Variants in FBXW7 observed in about 807,000 individuals in gnomAD.
The protein encoded by FBXW7 is F-box and WD repeat domain containing 7, also known as F-box/WD repeat-containing protein 7.
FBXW7 carries 11 observed loss-of-function variants against 86.3 expected under a neutral mutation model. The observed-to-expected ratio is 0.13, with a 90% CI of 0.08 to 0.21. The LOEUF (loss-of-function observed/expected upper bound fraction) is 0.21. FBXW7 is among the 10% of genes least tolerant of loss of function. The pLI is 1.00. For missense variants in FBXW7, 488 were observed against 847.4 expected (o/e 0.58, Z 5.27); for synonymous variants, 313 against 297.9 (o/e 1.05, Z -0.52).
intron 4 of FBXW7, chr4:152,411,095 C>T (rs1481069885): frequency 2.3e-6 from 2 of 864,860 alleles, no homozygotes; most frequent in Non-Finnish European, 1.6e-6. Flanking sequence ...AATTACTTTC[C>T]CTCCATTTGT....
chr4:152,360,068 G>A (rs1732787698), intron 4 of FBXW7, among the ~76,000 whole-genome samples: 1 of 152,054 alleles, frequency 6.6e-6, no homozygotes, highest in Non-Finnish European at 1.5e-5. Context: ...GTTCATTAGG[G>A]GATAACCCAT....
chr4:152,396,600 T>C (rs577088078), intron 4 of FBXW7, among the ~76,000 whole-genome samples: 1 of 152,206 alleles, frequency 6.6e-6, no homozygotes, highest in South Asian at 2.1e-4. Context: ...CATGTGTTTT[T>C]CAACATATCC....
At chr4:152,427,350 G>A (rs78366105) in intron 2 of FBXW7, among the ~76,000 whole-genome samples, 2,086 of 152,246 alleles carry the variant, frequency 0.014, 26 homozygotes, top group Middle Eastern at 0.037. Context: ...ATCAATGGCC[G>A]TGCATTGAGT....
intron 4 of FBXW7, among the ~76,000 whole-genome samples, chr4:152,407,015 C>T (rs1737480165): frequency 6.6e-6 from 1 of 152,174 alleles, no homozygotes; most frequent in Non-Finnish European, 1.5e-5. Flanking sequence ...CACTATGCTA[C>T]TTGTTTTACA....
chr4:152,354,182 C>T (rs563405443), intron 4 of FBXW7, among the ~76,000 whole-genome samples: 1 of 152,054 alleles, frequency 6.6e-6, no homozygotes, highest in East Asian at 1.9e-4. Context: ...TGAAGATGTA[C>T]ATCTTGAGTC....
chr4:152,422,923 T>C (rs1739070271), intron 2 of FBXW7, among the ~76,000 whole-genome samples: 3 of 152,228 alleles, frequency 2.0e-5, no homozygotes, highest in Admixed American at 1.3e-4. Context: ...TACAGGTTTA[T>C]TTTCCATTCT....
At chr4:152,397,839 A>T (rs886343824) in intron 4 of FBXW7, among the ~76,000 whole-genome samples, 1 of 151,960 alleles carries the variant, frequency 6.6e-6, no homozygotes, top group African/African-American at 2.4e-5. Context: ...CAAGGGAAGT[A>T]GCTTCTTTGG....
intron 6 of FBXW7, among the ~76,000 whole-genome samples, chr4:152,342,655 A>G (rs1489377140): frequency 6.6e-6 from 1 of 152,180 alleles, no homozygotes; most frequent in African/African-American, 2.4e-5. Flanking sequence ...GCACATGGTT[A>G]TCCAGTCTGT....
chr4:152,357,484 C>G (rs1732502597), intron 4 of FBXW7, among the ~76,000 whole-genome samples: 2 of 152,060 alleles, frequency 1.3e-5, no homozygotes, highest in South Asian at 2.1e-4. Flanking sequence ...CCACACCCCA[C>G]TAATTTTTCT....
chr4:152,466,764 C>CA, intron 2 of FBXW7, among the ~76,000 whole-genome samples: 1 of 151,658 alleles, frequency 6.6e-6, no homozygotes, highest in Admixed American at 6.6e-5. Flanking sequence ...AACATGGTGA[C>CA]ATGCCATCTC....
At chr4:152,432,872 C>T (rs1268061021) in intron 2 of FBXW7, among the ~76,000 whole-genome samples, 2 of 152,124 alleles carry the variant, frequency 1.3e-5, no homozygotes, top group Non-Finnish European at 2.9e-5. Context: ...TTCTCATGTC[C>T]CATTCCCATT....
intron 4 of FBXW7, among the ~76,000 whole-genome samples, chr4:152,387,038 A>T (rs1560835723): frequency 6.6e-6 from 1 of 152,310 alleles, no homozygotes; most frequent in East Asian, 1.9e-4. Flanking sequence ...GCCACAGCAT[A>T]TGAGCAGCAC....
rs576740098 is a variant in FBXW7, at chr4:152,330,258, G to A, written c.1123-473C>T. On this transcript the variant is annotated intron_variant, in intron 9 of 13. Transcript: ENST00000281708. ...TGGTTTTTTCCAGTTGTAAAAATAC[G>A]CCCAATAATTTCAAGTGTTTTTACC... 3.3e-5 allele frequency among the ~76,000 whole-genome samples: 5 copies of A among 151,826 alleles called. No homozygotes were observed. In the South Asian group the frequency reaches 6.2e-4, roughly 19 times the overall value.
At chr4:152,510,464 T>C (rs1747857724) in intron 2 of FBXW7, among the ~76,000 whole-genome samples, 1 of 152,192 alleles carries the variant, frequency 6.6e-6, no homozygotes, top group Non-Finnish European at 1.5e-5. Flanking sequence ...ACCTTTTTCA[T>C]GTTTGTGAAA....
chr4:152,382,457 C>A (rs1264285321), intron 4 of FBXW7: 26 of 1,227,504 alleles, frequency 2.1e-5, no homozygotes, highest in South Asian at 4.1e-5. Flanking sequence ...GCTGAGAACC[C>A]AAGGCCTGCT....
chr4:152,460,226 A>C (rs942099767), intron 2 of FBXW7, among the ~76,000 whole-genome samples: 1 of 152,230 alleles, frequency 6.6e-6, no homozygotes, highest in African/African-American at 2.4e-5. Flanking sequence ...CCATGTTCAT[A>C]AGTTAGAAGA....
intron 2 of FBXW7, among the ~76,000 whole-genome samples, chr4:152,457,391 C>G (rs762776134): frequency 1.3e-5 from 2 of 152,102 alleles, no homozygotes; most frequent in Non-Finnish European, 2.9e-5. Context: ...GCCTGTAATC[C>G]CAGCACTCTG....
chr4:152,506,109 T>C (rs1290535677), intron 2 of FBXW7, among the ~76,000 whole-genome samples: 1 of 152,130 alleles, frequency 6.6e-6, no homozygotes, highest in African/African-American at 2.4e-5. Context: ...TTATCAAGTA[T>C]TAGGTACTGT....
intron 4 of FBXW7, among the ~76,000 whole-genome samples, chr4:152,381,350 C>T (rs192869573): frequency 4.7e-4 from 72 of 152,016 alleles, no homozygotes; most frequent in African/African-American, 1.6e-3. Context: ...CTTTAAGAAA[C>T]GCACAAAAAG....
Sources: gnomAD v4.1 joint callset for allele counts (sites outside exome capture counted in the v4.1 genomes callset) on GRCh38, gnomAD v4.1.1 for gene constraint, MANE v1.5 for transcripts, NCBI Gene and HGNC (gene_info 2026-07-23, HGNC 2026-07-21) for gene names.